CCDC61: variants seen among roughly 807,000 people sequenced by gnomAD.
CCDC61 encodes the protein coiled-coil domain containing 61.
CCDC61 carries 55 observed loss-of-function variants against 63.0 expected under a neutral mutation model. The ratio of observed to expected loss-of-function variants is 0.87; its 90% CI spans 0.70 to 1.09. The LOEUF (loss-of-function observed/expected upper bound fraction) is 1.09, where lower values mean the gene tolerates loss of function less well. CCDC61 is among the 50% of genes least tolerant of loss of function. The pLI, the probability that CCDC61 is intolerant of heterozygous loss-of-function variation, is 0.00. For synonymous variants in CCDC61, 270 were observed against 317.0 expected (o/e 0.85, Z 1.58); for missense variants, 651 against 731.4 (o/e 0.89, Z 1.27).
Position 46,016,849 on chromosome 19 carries a change from C to T in CCDC61, c.1231+16C>T. The T allele has an allele frequency of 3.1e-6, 4 of 1,288,806 alleles. No homozygotes were observed. The highest frequency in any genetic ancestry group is 4.1e-6 in the Non-Finnish European group (4 of 986,448). 79.8% of individuals were successfully genotyped at this position (1,288,806 alleles called of 1,614,324 possible). On this transcript the variant is annotated intron_variant, in intron 10 of 13. Coordinates refer to ENST00000595358, the MANE Select transcript of CCDC61 (RefSeq NM_001267723.2). The surrounding 1 kb of genome is among the most constrained non-coding windows in gnomAD (Gnocchi z 7.2). ...AGCTCCTCAGGTAACTGGCCTGGAG[C>T]TGGGGGCTGCCGGGCTAGGCGGGAC... is the stretch of plus-strand genomic sequence containing the variant.
rs574793404 is a variant in CCDC61 at position 46,005,302 on chromosome 19, G to A, written c.232-1257G>A. ...TGGGATTACAGGTGTGAGCCACCGC[G>A]CCTGGCCTGGACAAGCGATAGTTTC... is the stretch of plus-strand genomic sequence containing the variant. On this transcript the variant is annotated intron_variant, in intron 3 of 13. Transcript: ENST00000595358. 2.9e-3 allele frequency among the ~76,000 whole-genome samples: 443 copies of A among 152,226 alleles called. 2 individuals are homozygous for A. The highest frequency in any genetic ancestry group is 5.3e-3 in the Non-Finnish European group (359 of 68,016).
chr19:46,018,063 C>A lies in CCDC61; in HGVS notation c.1369-15C>A. The stretch of plus-strand genomic sequence containing the variant: ...GACGGTGGGTGACCCCCTTTCCTAC[C>A]TTCCCCATCACCAGAAGTCTCCCCC... On this transcript the variant is annotated splice_polypyrimidine_tract_variant and intron_variant, in intron 12 of 13. Transcript: ENST00000595358. The surrounding 1 kb of genome is among the most constrained non-coding windows in gnomAD (Gnocchi z 4.2). The A allele has an allele frequency of 6.2e-7, 1 of 1,603,804 alleles. No individual in the cohort carries two copies. Among genetic ancestry groups the A allele is most frequent in the Non-Finnish European group, 8.5e-7 (1 of 1,175,458 alleles).
intron 1 of CCDC61, among the ~76,000 whole-genome samples, chr19:45,997,583 G>A (rs1217853924): frequency 6.6e-6 from 1 of 152,080 alleles, no homozygotes; most frequent in East Asian, 1.9e-4. Flanking sequence ...TAGAGACGGG[G>A]TTTTGCCATG....
rs1002753960 is a variant in CCDC61 at position 46,016,616 on chromosome 19, T to C, written c.1092-78T>C. On this transcript the variant is annotated intron_variant, in intron 9 of 13. Coordinates refer to ENST00000595358, the MANE Select transcript of CCDC61 (RefSeq NM_001267723.2). The surrounding 1 kb of genome is among the most constrained non-coding windows in gnomAD (Gnocchi z 7.2). ...CCTCAGGCTTTCGCTGGCGTGGCTG[T>C]GACCTTTAGGGGCGCAGTGACCCCC... The C allele has an allele frequency of 1.9e-6, 3 of 1,574,856 alleles. No homozygotes were observed. In the African/African-American group the frequency reaches 4.1e-5, roughly 21 times the overall value.
Position 46,018,252 on chromosome 19 carries a change from G to A in CCDC61, c.1442-38G>A, listed in dbSNP as rs201827714. 9.0e-6 allele frequency: 14 copies of A among 1,548,920 alleles called. No homozygotes were observed. The Middle Eastern group carries it at 5.0e-4, about 55-fold the overall frequency. On this transcript the variant is annotated intron_variant, in intron 13 of 13. Transcript: ENST00000595358. The surrounding 1 kb of genome is among the most constrained non-coding windows in gnomAD (Gnocchi z 4.2). ...GCCCAGGAACTCCCTGGGGCTTCAGGCCCCTCACAGCCCCCATACCCACAC... is the reference window on the plus strand; with the variant it reads ...GCCCAGGAACTCCCTGGGGCTTCAGACCCCTCACAGCCCCCATACCCACAC...
intron 3 of CCDC61, among the ~76,000 whole-genome samples, chr19:46,005,727 C>T (rs1968694728): frequency 6.6e-6 from 1 of 150,454 alleles, no homozygotes; most frequent in African/African-American, 2.4e-5. Context: ...TCACTTTGTT[C>T]GTTTTTGAGA....
chr19:46,005,941 A>T (rs528682970), intron 3 of CCDC61, among the ~76,000 whole-genome samples: 1 of 152,284 alleles, frequency 6.6e-6, no homozygotes, highest in South Asian at 2.1e-4. Context: ...CTTGCTCAAC[A>T]TAATAAAGAG....
rs1334688272 is a variant in CCDC61, at chr19:46,017,269, C to T, written c.1333C>T (p.Pro445Ser). The change falls in exon 12 of 14, where the codon CCT becomes TCT. Residue 445 changes from proline to serine, a missense_variant. Transcript: ENST00000595358. ...SRGGHRRRGK[P>S]PSPTPWSGSN... ...CAGGGGTCACCGCCGCCGTGGGAAG[C>T]CTCCCAGCCCAACGCCCTGGAGTGG... The T allele has an allele frequency of 5.7e-6, 9 of 1,566,936 alleles. No individual in the cohort carries two copies. Among genetic ancestry groups the T allele is most frequent in the Non-Finnish European group, 7.8e-6 (9 of 1,155,326 alleles).
At position 46,015,489 on chromosome 19, in the gene CCDC61, A is replaced by G. The variant is rs1456606872; in HGVS notation, c.845+62A>G. 9 of 853,038 alleles carry G rather than the reference A, an allele frequency of 1.1e-5. No homozygotes were observed. The highest frequency in any genetic ancestry group is 1.4e-5 in the Non-Finnish European group (9 of 655,552). The allele number at this position is 853,038 out of a possible 1,614,324, so 52.8% of individuals were successfully genotyped here. A position where few individuals can be genotyped will look rare whatever the true frequency, so the allele number is the denominator to read the frequency against. Reference sequence around the variant, plus strand: ...GCGGGCCCTGAGGGTGTGGAGGCTGATGAGGCGGAGCCTAAGGGGGCGGGG... The same window carrying G: ...GCGGGCCCTGAGGGTGTGGAGGCTGGTGAGGCGGAGCCTAAGGGGGCGGGG... On this transcript the variant is annotated intron_variant, in intron 7 of 13. Coordinates refer to ENST00000595358, the MANE Select transcript of CCDC61 (RefSeq NM_001267723.2). This position sits in a 1 kb window ranked among gnomAD's most constrained non-coding sequence, Gnocchi z 5.3.
At chr19:45,996,407 A>C (rs980883214) in intron 1 of CCDC61, 1 of 150,740 alleles carries the variant, frequency 6.6e-6, no homozygotes, top group Non-Finnish European at 1.5e-5. Context: ...GCCAGGTACT[A>C]AGATCAAGAA....
intron 11 of CCDC61, 41 bp downstream of exon 11, chr19:46,017,110 T>G (rs976750147): frequency 5.7e-6 from 9 of 1,589,330 alleles, no homozygotes; most frequent in Non-Finnish European, 7.7e-6. Flanking sequence ...TCCAAAGGGT[T>G]TCTGGGGAGA....
chr19:46,015,142 G>A lies in CCDC61; in HGVS notation c.645G>A (p.Glu215=), dbSNP rs762591700. ...EALAGRAARQ[E]AEALRGLVRG... ...TGGCCGGGCGCGCGGCACGCCAGGA[G>A]GCCGAGGCGCTGCGCGGGCTGGTGC... Residue 215 remains glutamate (E), a synonymous_variant, in exon 6 of 14, where the codon GAG becomes GAA. Transcript: ENST00000595358. This position sits in a 1 kb window ranked among gnomAD's most constrained non-coding sequence, Gnocchi z 5.3. 6.3e-6 allele frequency: 8 copies of A among 1,275,536 alleles called. No homozygotes were observed. The allele number at this position is 1,275,536 out of a possible 1,614,324, so 79.0% of individuals were successfully genotyped here. A position where few individuals can be genotyped will look rare whatever the true frequency, so the allele number is the denominator to read the frequency against.
intron 5 of CCDC61, among the ~76,000 whole-genome samples, chr19:46,013,482 A>C (rs1968866807): frequency 6.6e-6 from 1 of 152,152 alleles, no homozygotes; most frequent in African/African-American, 2.4e-5. Flanking sequence ...TCTTGTGATG[A>C]AAATCTTAGT....
chr19:46,005,318 C>T (rs755652571), intron 3 of CCDC61, among the ~76,000 whole-genome samples: 2 of 152,066 alleles, frequency 1.3e-5, no homozygotes, highest in Non-Finnish European at 2.9e-5. Flanking sequence ...CCTGGACAAG[C>T]GATAGTTTCT....
rs1968839825 is a variant in CCDC61, at chr19:46,012,147, TC to T, written c.552-2900del. Among the ~76,000 whole-genome samples the T allele has an allele frequency of 3.3e-5, 5 of 152,284 alleles. No individual in the cohort carries two copies. In the South Asian group the frequency reaches 1.0e-3, roughly 32 times the overall value. ...AAAAATTTTGTGAGCAGTGAGGAGTTCCAGGGCAGGCCCTGACTCCTCCAGA... is the reference window on the plus strand; with the variant it reads ...AAAAATTTTGTGAGCAGTGAGGAGTTCAGGGCAGGCCCTGACTCCTCCAGA... On this transcript the variant is annotated intron_variant, in intron 5 of 13. Transcript: ENST00000595358.
intron 1 of CCDC61, chr19:46,000,113 C>T (rs1968563122): frequency 2.7e-5 from 26 of 961,958 alleles, no homozygotes; most frequent in Non-Finnish European, 3.1e-5. Context: ...TCCGGGGAAT[C>T]CTAGAAGTGG....
chr19:46,017,380 T>A, intron 12 of CCDC61, 76 bp downstream of exon 12: 1 of 1,359,722 alleles, frequency 7.4e-7, no homozygotes, highest in Non-Finnish European at 1.0e-6. Context: ...GGGGATCAGG[T>A]GCAGAGGCGA....
chr19:46,008,927 G>A (rs1183858319), intron 5 of CCDC61, among the ~76,000 whole-genome samples: 4 of 152,168 alleles, frequency 2.6e-5, no homozygotes, highest in East Asian at 3.8e-4. Context: ...GGGGGAGGTC[G>A]AGCTCTATGT....
chr19:45,997,979 G>T (rs1968525147), intron 1 of CCDC61, among the ~76,000 whole-genome samples: 1 of 152,222 alleles, frequency 6.6e-6, no homozygotes, highest in Non-Finnish European at 1.5e-5. Context: ...GAGTCACTGT[G>T]CCCGGTCCTC....
Sources: gnomAD v4.1 joint callset for allele counts (sites outside exome capture counted in the v4.1 genomes callset) on GRCh38, gnomAD v4.1.1 for gene constraint, Gnocchi (gnomAD v3.1) non-coding constraint, MANE v1.5 for transcripts, NCBI Gene and HGNC (gene_info 2026-07-23, HGNC 2026-07-21) for gene names.